Variants in GRID1 observed in about 807,000 individuals in gnomAD.
GRID1 encodes the protein glutamate receptor ionotropic, delta-1.
A neutral mutation model predicts 98.0 loss-of-function variants in GRID1; 28 were observed. That is an observed-to-expected ratio of 0.29 (90% CI 0.21 to 0.39). GRID1 has a LOEUF of 0.39. Among genes scored for constraint, GRID1 ranks in the 10% least tolerant of loss-of-function variants. The pLI is 1.00. For synonymous variants in GRID1, 553 were observed against 538.5 expected (o/e 1.03, Z -0.37); for missense variants, 1,111 against 1,340.5 (o/e 0.83, Z 2.67).
chr10:85,632,336 A>G (rs371863829), intron 13 of GRID1, among the ~76,000 whole-genome samples: 3 of 152,294 alleles, frequency 2.0e-5, no homozygotes, highest in South Asian at 4.2e-4. Context: ...AACAACAATC[A>G]TGACAATAAG....
intron 4 of GRID1, among the ~76,000 whole-genome samples, chr10:86,124,749 C>T: frequency 6.6e-6 from 1 of 152,154 alleles, no homozygotes; most frequent in East Asian, 1.9e-4. Flanking sequence ...ATATTCACTG[C>T]CCAATTAATA....
At chr10:85,741,351 G>A (rs1249981289) in intron 8 of GRID1, among the ~76,000 whole-genome samples, 1 of 152,140 alleles carries the variant, frequency 6.6e-6, no homozygotes, top group Non-Finnish European at 1.5e-5. Context: ...TCATGGTAAA[G>A]TATTTGAATA....
intron 8 of GRID1, among the ~76,000 whole-genome samples, chr10:85,817,794 G>C (rs1842728980): frequency 6.6e-6 from 1 of 152,140 alleles, no homozygotes; most frequent in African/African-American, 2.4e-5. Context: ...AGGAGGCTGA[G>C]GCAGGAGAAT....
In GRID1 at chr10:85,825,441, T is replaced by C. The variant is rs181411348; in HGVS notation, c.1233+29055A>G. Among the ~76,000 whole-genome samples the C allele has an allele frequency of 1.2e-3, 188 of 152,314 alleles. 2 individuals carry two copies. The highest frequency in any genetic ancestry group is 6.8e-3 in the Middle Eastern group (2 of 294). On this transcript the variant is annotated intron_variant, in intron 8 of 15. Coordinates refer to ENST00000327946, the MANE Select transcript of GRID1 (RefSeq NM_017551.3). ...CTTGTAGATTCTGGATATTAGTCAT[T>C]TGTCAGATGCATCATTTGCAAATAT...
At chr10:85,831,368 C>T (rs1169759712) in intron 8 of GRID1, among the ~76,000 whole-genome samples, 6 of 152,174 alleles carry the variant, frequency 3.9e-5, no homozygotes. Flanking sequence ...ATAATCTGTA[C>T]ACCAAACCCC....
At chr10:86,161,674 C>T (rs938583128) in intron 3 of GRID1, among the ~76,000 whole-genome samples, 4 of 152,158 alleles carry the variant, frequency 2.6e-5, no homozygotes, top group African/African-American at 9.7e-5. Flanking sequence ...AAATGCTGCA[C>T]ATCTCAGCCA....
intron 3 of GRID1, among the ~76,000 whole-genome samples, chr10:86,144,670 C>T (rs746980937): frequency 1.5e-4 from 23 of 152,184 alleles, no homozygotes; most frequent in Non-Finnish European, 2.6e-4. Context: ...TGCCTAATGC[C>T]CTCTCCCCCT....
Position 85,875,937 on chromosome 10 carries a change from A to G in GRID1, c.781-6757T>C, listed in dbSNP as rs74148825. On this transcript the variant is annotated intron_variant, in intron 5 of 15. Coordinates refer to ENST00000327946, the MANE Select transcript of GRID1 (RefSeq NM_017551.3). ...GGGGTCATCTTCCTTCTCCTGAAGT[A>G]TATGATTGAGAATTTCCTTTAATTT... Among the ~76,000 whole-genome samples, 152 of 152,332 alleles carry G rather than the reference A, an allele frequency of 1.0e-3. 1 individual carries two copies. Among genetic ancestry groups the G allele is most frequent in the African/African-American group, 3.5e-3 (147 of 41,574 alleles).
intron 6 of GRID1, among the ~76,000 whole-genome samples, chr10:85,863,133 C>T (rs34544536): frequency 0.27 from 41,415 of 152,100 alleles, 5,910 homozygotes; most frequent in African/African-American, 0.36. Context: ...CAAAAAAACA[C>T]AGACTGGGTG....
chr10:86,045,876 TA>T (rs1258665276), intron 4 of GRID1, among the ~76,000 whole-genome samples: 5 of 152,118 alleles, frequency 3.3e-5, no homozygotes, highest in Non-Finnish European at 7.4e-5. Context: ...AACCGTAGTT[TA>T]GAGAGAAAGG....
At chr10:85,949,635 T>C (rs1358445786) in intron 4 of GRID1, among the ~76,000 whole-genome samples, 1 of 152,208 alleles carries the variant, frequency 6.6e-6, no homozygotes, top group Non-Finnish European at 1.5e-5. Context: ...TCAAACCTTC[T>C]AGGCTTCCAT....
At chr10:85,895,843 TC>T (rs1446723116) in intron 5 of GRID1, among the ~76,000 whole-genome samples, 1 of 152,046 alleles carries the variant, frequency 6.6e-6, no homozygotes, top group Admixed American at 6.5e-5. Context: ...GTTTCTTGAC[TC>T]CAAAAATGCT....
chr10:86,051,056 C>A (rs1272767253), intron 4 of GRID1, among the ~76,000 whole-genome samples: 1 of 150,720 alleles, frequency 6.6e-6, no homozygotes, highest in East Asian at 1.9e-4. Flanking sequence ...CCAGCCTGGG[C>A]AACCAGAGTG....
chr10:85,663,253 G>A lies in GRID1; in HGVS notation c.1998-15856C>T, dbSNP rs113171638. Among the ~76,000 whole-genome samples the A allele has an allele frequency of 2.9e-3, 435 of 152,224 alleles. 4 individuals are homozygous for A. Among genetic ancestry groups the A allele is most frequent in the African/African-American group, 9.6e-3 (399 of 41,520 alleles). On this transcript the variant is annotated intron_variant, in intron 12 of 15. Transcript: ENST00000327946. The stretch of plus-strand genomic sequence containing the variant: ...TAGAGTGGCCCTACTCCAGTACCAC[G>A]AGTGTCCTTATAAAAAGGAGAAATT...
intron 3 of GRID1, among the ~76,000 whole-genome samples, chr10:86,200,118 G>A (rs984446393): frequency 6.7e-6 from 1 of 149,870 alleles, no homozygotes; most frequent in Admixed American, 6.6e-5. Flanking sequence ...TCTTCCCTCT[G>A]CTTAGAACAC....
intron 5 of GRID1, among the ~76,000 whole-genome samples, chr10:85,894,009 G>A (rs2352181): frequency 0.41 from 62,796 of 151,998 alleles, 15,159 homozygotes; most frequent in East Asian, 0.55. Context: ...TGAAAACGAC[G>A]TTTCAAAAAC....
chr10:86,177,800 TAG>T (rs1188275356), intron 3 of GRID1, among the ~76,000 whole-genome samples: 3 of 151,382 alleles, frequency 2.0e-5, no homozygotes, highest in Non-Finnish European at 4.4e-5. Context: ...GAAACAGAAA[TAG>T]AGACTTTAGC....
At chr10:85,965,491 A>G (rs577351920) in intron 4 of GRID1, among the ~76,000 whole-genome samples, 41 of 152,318 alleles carry the variant, frequency 2.7e-4, no homozygotes, top group Admixed American at 1.7e-3. Flanking sequence ...TTGCAGGGAC[A>G]TGGATGACAC....
At chr10:85,621,495 T>C (rs1002767059) in intron 13 of GRID1, among the ~76,000 whole-genome samples, 2 of 152,180 alleles carry the variant, frequency 1.3e-5, no homozygotes, top group Admixed American at 1.3e-4. Flanking sequence ...CCAAGACAGC[T>C]TATTTCCTTG....
Sources: allele counts gnomAD v4.1 joint callset (sites outside exome capture counted in the v4.1 genomes callset), GRCh38; gene constraint gnomAD v4.1.1; transcripts MANE v1.5; gene names NCBI Gene and HGNC (gene_info 2026-07-23, HGNC 2026-07-21).